PRKN: variants seen among roughly 807,000 people sequenced by gnomAD.
PRKN encodes the protein parkin RBR E3 ubiquitin protein ligase.
PRKN carries 56 observed loss-of-function variants against 59.5 expected under a neutral mutation model. The ratio of observed to expected loss-of-function variants is 0.94; its 90% CI spans 0.76 to 1.18. The LOEUF (loss-of-function observed/expected upper bound fraction) is 1.18, where lower values mean the gene tolerates loss of function less well. Ranked by LOEUF, PRKN falls within the 50% of genes most tolerant of loss-of-function variation. The pLI is 0.00. For missense variants in PRKN, 657 were observed against 596.4 expected (o/e 1.10, Z -1.06); for synonymous variants, 250 against 222.1 (o/e 1.13, Z -1.12).
intron 1 of PRKN, among the ~76,000 whole-genome samples, chr6:162,660,759 C>G (rs1429786018): frequency 6.6e-6 from 1 of 151,870 alleles, no homozygotes; most frequent in Non-Finnish European, 1.5e-5. Flanking sequence ...TCCACATGGT[C>G]TGTTCATTGA....
intron 2 of PRKN, among the ~76,000 whole-genome samples, chr6:162,380,119 C>T (rs561492804): frequency 8.5e-5 from 13 of 152,128 alleles, no homozygotes; most frequent in South Asian, 2.1e-4. Flanking sequence ...TGTACTTTAT[C>T]GAGTACCTTC....
chr6:161,710,152 T>A lies in PRKN; in HGVS notation c.871+75620A>T, dbSNP rs181735684. 6.6e-3 allele frequency among the ~76,000 whole-genome samples: 996 copies of A among 151,718 alleles called. 5 individuals carry two copies. Among genetic ancestry groups the A allele is most frequent in the Non-Finnish European group, 0.011 (740 of 67,914 alleles). On this transcript the variant is annotated intron_variant, in intron 7 of 11. Coordinates refer to ENST00000366898, the MANE Select transcript of PRKN (RefSeq NM_004562.3). Reference sequence around the variant, plus strand: ...AACCTACAGAAAAGAGAGGGAAAAATTCCCCATGAAGCTTTGTCAATTGTT... The same window carrying A: ...AACCTACAGAAAAGAGAGGGAAAAAATCCCCATGAAGCTTTGTCAATTGTT...
At chr6:162,511,555 A>C (rs1372230720) in intron 1 of PRKN, among the ~76,000 whole-genome samples, 1 of 152,182 alleles carries the variant, frequency 6.6e-6, no homozygotes, top group Non-Finnish European at 1.5e-5. Flanking sequence ...TTAAAAGGGA[A>C]TAGGAAATCA....
chr6:162,026,687 C>T (rs1039380683), intron 5 of PRKN, among the ~76,000 whole-genome samples: 1 of 152,090 alleles, frequency 6.6e-6, no homozygotes, highest in African/African-American at 2.4e-5. Flanking sequence ...CCACAAATGG[C>T]ATTCATCAAA....
intron 1 of PRKN, among the ~76,000 whole-genome samples, chr6:162,652,331 A>G (rs1293364432): frequency 6.6e-6 from 1 of 152,168 alleles, no homozygotes; most frequent in Non-Finnish European, 1.5e-5. Flanking sequence ...TTATGTACAT[A>G]CTTTCAGTGT....
At chr6:162,335,315 T>A (rs930310089) in intron 2 of PRKN, among the ~76,000 whole-genome samples, 1 of 152,180 alleles carries the variant, frequency 6.6e-6, no homozygotes, top group Non-Finnish European at 1.5e-5. Context: ...GTGCTGGGAC[T>A]ACAGGCATGG....
chr6:162,580,802 T>C (rs778751748), intron 1 of PRKN, among the ~76,000 whole-genome samples: 5 of 152,192 alleles, frequency 3.3e-5, no homozygotes, highest in Admixed American at 6.5e-5. Flanking sequence ...CTGATCAATC[T>C]GAGGCTCCAT....
chr6:161,642,448 G>T (rs1453538581), intron 7 of PRKN, among the ~76,000 whole-genome samples: 1 of 152,112 alleles, frequency 6.6e-6, no homozygotes, highest in Non-Finnish European at 1.5e-5. Context: ...TAGAATTATT[G>T]TGATATTTAT....
chr6:162,655,032 T>C (rs1778590058), intron 1 of PRKN, among the ~76,000 whole-genome samples: 1 of 152,170 alleles, frequency 6.6e-6, no homozygotes, highest in Admixed American at 6.5e-5. Flanking sequence ...TCTGTATGCA[T>C]AGTTATACCA....
intron 2 of PRKN, among the ~76,000 whole-genome samples, chr6:162,274,108 C>T (rs920665287): frequency 2.0e-5 from 3 of 151,784 alleles, no homozygotes; most frequent in Admixed American, 6.6e-5. Flanking sequence ...CCAAACAAGT[C>T]CATATTTTGG....
At chr6:161,867,079 A>T (rs755283086) in intron 6 of PRKN, among the ~76,000 whole-genome samples, 1 of 152,170 alleles carries the variant, frequency 6.6e-6, no homozygotes, top group Non-Finnish European at 1.5e-5. Context: ...TTATTTTAGT[A>T]TCTGGACAAG....
chr6:162,682,832 T>C (rs992479393), intron 1 of PRKN, among the ~76,000 whole-genome samples: 22 of 152,126 alleles, frequency 1.4e-4, no homozygotes, highest in Admixed American at 1.3e-4. Context: ...GTAGATTCTA[T>C]TAATTTGGTA....
chr6:161,870,806 T>C (rs1166157987), intron 6 of PRKN, among the ~76,000 whole-genome samples: 3 of 152,176 alleles, frequency 2.0e-5, no homozygotes, highest in Admixed American at 2.0e-4. Context: ...ATTCTTGCAA[T>C]GGACATTGGT....
chr6:162,539,234 A>G (rs575529500), intron 1 of PRKN, among the ~76,000 whole-genome samples: 5 of 152,308 alleles, frequency 3.3e-5, no homozygotes, highest in Admixed American at 1.3e-4. Flanking sequence ...CAATTGCAAA[A>G]TAACATTTGT....
intron 2 of PRKN, among the ~76,000 whole-genome samples, chr6:162,285,509 G>A (rs1179145227): frequency 6.6e-6 from 1 of 151,990 alleles, no homozygotes; most frequent in Admixed American, 6.6e-5. Flanking sequence ...GAAATAAGGA[G>A]TTATATAGTA....
intron 4 of PRKN, among the ~76,000 whole-genome samples, chr6:162,170,293 G>A (rs531853515): frequency 3.3e-5 from 5 of 152,280 alleles, no homozygotes; most frequent in South Asian, 2.1e-4. Flanking sequence ...TTAAGATCCC[G>A]TGTACAAATG....
chr6:161,409,578 C>T lies in PRKN; in HGVS notation c.1084-22701G>A, dbSNP rs1345236193. ...GTGCTTGCTGGATATTTTTAGATTG[C>T]CAGAATGTTCAGTGGAATCACATAA... On this transcript the variant is annotated intron_variant, in intron 9 of 11. Transcript: ENST00000366898. This position sits in a 1 kb window ranked among gnomAD's most constrained non-coding sequence, Gnocchi z 4.6. Among the ~76,000 whole-genome samples, 17 of 152,104 alleles carry T rather than the reference C, an allele frequency of 1.1e-4. No homozygotes were observed. Among genetic ancestry groups the T allele is most frequent in the Admixed American group, 1.1e-3 (17 of 15,268 alleles).
intron 9 of PRKN, among the ~76,000 whole-genome samples, chr6:161,476,493 T>G (rs1393768862): frequency 6.6e-6 from 1 of 152,168 alleles, no homozygotes; most frequent in Non-Finnish European, 1.5e-5. Context: ...TTAAGACACT[T>G]TTCCTTGAGA....
At chr6:162,287,895 G>A (rs1305436814) in intron 2 of PRKN, among the ~76,000 whole-genome samples, 1 of 152,122 alleles carries the variant, frequency 6.6e-6, no homozygotes, top group Non-Finnish European at 1.5e-5. Context: ...GGTCACACCC[G>A]AGGCGTGACT....
Sources: gnomAD v4.1 joint callset for allele counts (sites outside exome capture counted in the v4.1 genomes callset) on GRCh38, gnomAD v4.1.1 for gene constraint, Gnocchi (gnomAD v3.1) non-coding constraint, MANE v1.5 for transcripts, NCBI Gene and HGNC (gene_info 2026-07-23, HGNC 2026-07-21) for gene names.